The following TTC27 variants were observed in gnomAD, a reference collection of about 807,000 sequenced individuals.
TTC27 encodes the protein tetratricopeptide repeat domain 27.
In TTC27, 79 loss-of-function variants were observed where a neutral mutation model predicts 115.9. The observed-to-expected ratio is 0.68, with a 90% CI of 0.57 to 0.82. The LOEUF is 0.82. Among genes scored for constraint, TTC27 ranks in the 40% least tolerant of loss-of-function variants. The probability of loss-of-function intolerance (pLI) is 0.00; values close to 1 mark genes in which losing one functional copy is unlikely to be tolerated. For synonymous variants in TTC27, 401 were observed against 356.0 expected (o/e 1.13, Z -1.42); for missense variants, 1,054 against 993.1 (o/e 1.06, Z -0.82).
intron 5 of TTC27, among the ~76,000 whole-genome samples, chr2:32,661,705 A>G (rs1299503600): frequency 6.6e-6 from 1 of 152,218 alleles, no homozygotes; most frequent in South Asian, 2.1e-4. Flanking sequence ...CGATAATGTC[A>G]TGTGCAAACA....
At chr2:32,810,933 G>A (rs1457660578) in intron 16 of TTC27, 91 bp from the exon 17 acceptor site, 1 of 1,401,534 alleles carries the variant, frequency 7.1e-7, no homozygotes, top group African/African-American at 1.4e-5. Flanking sequence ...GTTTTTCATT[G>A]TCATTGTCTT....
chr2:32,639,085 G>A (rs1015392635), intron 3 of TTC27, among the ~76,000 whole-genome samples: 16 of 152,034 alleles, frequency 1.1e-4, no homozygotes, highest in Admixed American at 5.9e-4. Flanking sequence ...GCCCGCCTTG[G>A]CCTCCCAAAG....
At chr2:32,763,041 T>A (rs960668643) in intron 13 of TTC27, among the ~76,000 whole-genome samples, 9 of 152,202 alleles carry the variant, frequency 5.9e-5, no homozygotes, top group Admixed American at 4.6e-4. Context: ...TGACAGGGCT[T>A]GCTGGTCTCA....
intron 18 of TTC27, among the ~76,000 whole-genome samples, chr2:32,813,118 T>A (rs1171701363): frequency 6.6e-6 from 1 of 152,234 alleles, no homozygotes; most frequent in Non-Finnish European, 1.5e-5. Flanking sequence ...TATATGCCTG[T>A]TGGGTAAATA....
chr2:32,680,471 G>A (rs1666380202), intron 9 of TTC27, among the ~76,000 whole-genome samples: 1 of 152,136 alleles, frequency 6.6e-6, no homozygotes, highest in South Asian at 2.1e-4. Context: ...GAAATATAAA[G>A]CAGGTTAAGA....
At chr2:32,815,889 A>G (rs1254841951) in intron 18 of TTC27, among the ~76,000 whole-genome samples, 1 of 152,236 alleles carries the variant, frequency 6.6e-6, no homozygotes, top group Non-Finnish European at 1.5e-5. Flanking sequence ...TCTAATTATT[A>G]TTCCTCATTA....
At chr2:32,721,455 T>A (rs1244762164) in intron 10 of TTC27, among the ~76,000 whole-genome samples, 1 of 152,094 alleles carries the variant, frequency 6.6e-6, no homozygotes, top group African/African-American at 2.4e-5. Context: ...TATCTTTGCT[T>A]TTCTCCACCT....
chr2:32,680,660 G>A (rs573547779), intron 9 of TTC27, among the ~76,000 whole-genome samples: 2 of 152,258 alleles, frequency 1.3e-5, no homozygotes, highest in East Asian at 3.9e-4. Context: ...GTGTCTAGGT[G>A]ATGAATGGTG....
chr2:32,778,962 G>A (rs765965332), intron 14 of TTC27, among the ~76,000 whole-genome samples: 15 of 152,150 alleles, frequency 9.9e-5, no homozygotes, highest in Non-Finnish European at 1.8e-4. Flanking sequence ...GGTGGCTCAC[G>A]CCTGTAATCC....
chr2:32,668,560 C>CCCTTCCTT (rs1553547640), intron 7 of TTC27, among the ~76,000 whole-genome samples: 1,802 of 15,878 alleles, frequency 0.11, 278 homozygotes, highest in East Asian at 0.47. Context: ...CTCCCTCCCT[C>CCCTTCCTT]CCTTCCTTCC....
chr2:32,695,362 T>A (rs1666947447), intron 9 of TTC27, among the ~76,000 whole-genome samples: 1 of 152,070 alleles, frequency 6.6e-6, no homozygotes, highest in Admixed American at 6.6e-5. Flanking sequence ...GGCGGGTGGA[T>A]CACCTGAGGT....
chr2:32,725,560 C>G (rs1281942186), intron 10 of TTC27, among the ~76,000 whole-genome samples: 1 of 152,200 alleles, frequency 6.6e-6, no homozygotes, highest in Admixed American at 6.5e-5. Flanking sequence ...TGGTCTTGGA[C>G]AGCTCCACCC....
intron 2 of TTC27, among the ~76,000 whole-genome samples, chr2:32,632,925 T>TA (rs1664271227): frequency 6.6e-6 from 1 of 152,192 alleles, no homozygotes; most frequent in African/African-American, 2.4e-5. Flanking sequence ...ACAAACATGA[T>TA]ATGCAAAGCC....
At chr2:32,801,472 G>C (rs1329926250) in intron 16 of TTC27, among the ~76,000 whole-genome samples, 1 of 152,094 alleles carries the variant, frequency 6.6e-6, no homozygotes, top group East Asian at 1.9e-4. Flanking sequence ...TTCTGAGGAA[G>C]AAGTCATTGG....
intron 6 of TTC27, among the ~76,000 whole-genome samples, chr2:32,665,633 G>T (rs1422142399): frequency 2.0e-5 from 3 of 152,158 alleles, no homozygotes; most frequent in Non-Finnish European, 4.4e-5. Context: ...TGTGACTCAT[G>T]CCTGTAATCC....
Position 32,664,398 on chromosome 2 carries a change from G to C in TTC27, c.736G>C (p.Glu246Gln), listed in dbSNP as rs768066431. ...TGCATATGTGTTTTTATATTATTAT[G>C]AGTACAGAAAAGCAAAAGATCAGTT... ...ECAYVFLYYY[E>Q]YRKAKDQLDI... is the part of the protein sequence containing the mutation. Residue 246 changes from glutamate to glutamine, a missense_variant, in exon 6 of 20, where the codon GAG becomes CAG. Coordinates refer to ENST00000317907, the MANE Select transcript of TTC27 (RefSeq NM_017735.5). 6.2e-7 allele frequency: 1 copy of C among 1,612,510 alleles called. No homozygotes were observed. The highest frequency in any genetic ancestry group is 8.5e-7 in the Non-Finnish European group (1 of 1,179,454).
intron 16 of TTC27, among the ~76,000 whole-genome samples, chr2:32,794,188 AC>A (rs1465769469): frequency 6.6e-6 from 1 of 152,216 alleles, no homozygotes; most frequent in Non-Finnish European, 1.5e-5. Context: ...TCTAGGAGAG[AC>A]AATATGATAG....
At chr2:32,641,218 C>T (rs555949789) in intron 4 of TTC27, among the ~76,000 whole-genome samples, 93 of 152,256 alleles carry the variant, frequency 6.1e-4, no homozygotes, top group African/African-American at 2.2e-3. Context: ...GACAAATATA[C>T]ACACAGAATG....
chr2:32,716,019 A>C (rs549870224), intron 10 of TTC27, among the ~76,000 whole-genome samples: 9 of 152,292 alleles, frequency 5.9e-5, no homozygotes, highest in Admixed American at 4.6e-4. Flanking sequence ...AAATATAAGC[A>C]ATATAGAAGT....
Sources: allele counts gnomAD v4.1 joint callset (sites outside exome capture counted in the v4.1 genomes callset), GRCh38; gene constraint gnomAD v4.1.1; transcripts MANE v1.5; gene names NCBI Gene and HGNC (gene_info 2026-07-23, HGNC 2026-07-21).